CSMD1: variants seen among roughly 807,000 people sequenced by gnomAD.
CSMD1 encodes CUB and sushi domain-containing protein 1.
Under a neutral mutation model 417.5 loss-of-function variants are expected in CSMD1, and 213 were observed. The ratio of observed to expected loss-of-function variants is 0.51; its 90% CI spans 0.46 to 0.57. CSMD1 has a LOEUF of 0.57. Ranked by LOEUF, CSMD1 falls within the 20% of genes least tolerant of loss-of-function variation. CSMD1 has a pLI of 0.00. For synonymous variants in CSMD1, 2,862 were observed against 1,736.8 expected, an observed-to-expected ratio of 1.65 and a Z score of -16.11; for missense variants, 6,923 against 4,529.7, an observed-to-expected ratio of 1.53 and a Z score of -15.17.
At chr8:4,870,409 A>G (rs1003875954) in intron 1 of CSMD1, among the ~76,000 whole-genome samples, 4 of 152,134 alleles carry the variant, frequency 2.6e-5, no homozygotes, top group African/African-American at 7.2e-5. Context: ...CTAGACCTCA[A>G]TTTTCTTAAA....
chr8:3,195,533 T>C (rs1404373150), intron 33 of CSMD1, among the ~76,000 whole-genome samples: 3 of 152,184 alleles, frequency 2.0e-5, no homozygotes, highest in African/African-American at 7.2e-5. Flanking sequence ...GGCTTTTGCA[T>C]TGCGTCTAAG....
rs1373076089 is a variant in CSMD1, at chr8:4,621,969, T to G, written c.302+15373A>C. On this transcript the variant is annotated intron_variant, in intron 2 of 69. Coordinates refer to ENST00000635120, the MANE Select transcript of CSMD1 (RefSeq NM_033225.6). ...TTGATGCCAAAATCATATGAAAAAA[T>G]TACATACTTATTCATAATAAAACCC... Among the ~76,000 whole-genome samples the G allele has an allele frequency of 3.3e-5, 5 of 151,234 alleles. No individual in the cohort carries two copies. In the South Asian group the frequency reaches 1.0e-3, roughly 31 times the overall value.
At chr8:4,463,576 G>C (rs1436855640) in intron 2 of CSMD1, among the ~76,000 whole-genome samples, 1 of 151,820 alleles carries the variant, frequency 6.6e-6, no homozygotes. Context: ...CAGAAATACA[G>C]AAGAAGTGAA....
intron 1 of CSMD1, among the ~76,000 whole-genome samples, chr8:4,775,715 TG>T (rs1202067636): frequency 6.6e-6 from 1 of 152,174 alleles, no homozygotes; most frequent in Non-Finnish European, 1.5e-5. Context: ...ATGGCCCACG[TG>T]GGGATGGGAT....
intron 3 of CSMD1, among the ~76,000 whole-genome samples, chr8:4,081,719 G>A (rs1800144045): frequency 6.6e-6 from 1 of 152,126 alleles, no homozygotes; most frequent in African/African-American, 2.4e-5. Context: ...TATTTTCTCT[G>A]ACCAAATTAG....
intron 5 of CSMD1, among the ~76,000 whole-genome samples, chr8:3,773,448 G>C (rs1398825731): frequency 6.6e-6 from 1 of 151,980 alleles, no homozygotes; most frequent in Non-Finnish European, 1.5e-5. Flanking sequence ...CACTATGCCT[G>C]GCTAATTATT....
chr8:4,670,908 C>A (rs1805256080), intron 1 of CSMD1, among the ~76,000 whole-genome samples: 1 of 152,138 alleles, frequency 6.6e-6, no homozygotes, highest in Non-Finnish European at 1.5e-5. Context: ...ATTTTAGTGA[C>A]AAGGATAGCT....
chr8:4,832,255 G>T (rs1002566163), intron 1 of CSMD1, among the ~76,000 whole-genome samples: 1 of 152,286 alleles, frequency 6.6e-6, no homozygotes, highest in African/African-American at 2.4e-5. Context: ...AGCCAGTAAT[G>T]GAAGTTTGTG....
At chr8:4,079,279 G>C (rs1307566791) in intron 3 of CSMD1, among the ~76,000 whole-genome samples, 1 of 152,154 alleles carries the variant, frequency 6.6e-6, no homozygotes, top group Non-Finnish European at 1.5e-5. Context: ...AGTTTATCAA[G>C]TACTGTACCA....
At chr8:4,069,438 A>C (rs190399176) in intron 3 of CSMD1, among the ~76,000 whole-genome samples, 5 of 152,330 alleles carry the variant, frequency 3.3e-5, no homozygotes, top group African/African-American at 9.6e-5. Context: ...TATTCACCGT[A>C]AAGGAAATAC....
At chr8:4,913,811 C>A (rs1247703094) in intron 1 of CSMD1, among the ~76,000 whole-genome samples, 1 of 152,188 alleles carries the variant, frequency 6.6e-6, no homozygotes, top group Non-Finnish European at 1.5e-5. Flanking sequence ...CCACCAGACT[C>A]TTTGGGGCTT....
At chr8:3,820,651 G>C (rs774924013) in intron 5 of CSMD1, among the ~76,000 whole-genome samples, 6 of 152,172 alleles carry the variant, frequency 3.9e-5, no homozygotes, top group Admixed American at 6.5e-5. Flanking sequence ...TCTCGGCTCA[G>C]TGCAAACTCT....
At chr8:3,715,379 C>G (rs576743434) in intron 6 of CSMD1, among the ~76,000 whole-genome samples, 5 of 152,160 alleles carry the variant, frequency 3.3e-5, no homozygotes, top group South Asian at 2.1e-4. Flanking sequence ...AAACCTGAGC[C>G]TCCAGGTCTG....
chr8:2,981,290 T>G (rs1007615823), intron 54 of CSMD1, among the ~76,000 whole-genome samples: 1 of 152,214 alleles, frequency 6.6e-6, no homozygotes, highest in Non-Finnish European at 1.5e-5. Context: ...ATTTTCTATG[T>G]GAACAATTCC....
intron 18 of CSMD1, among the ~76,000 whole-genome samples, chr8:3,379,261 T>TA (rs984216319): frequency 5.3e-5 from 8 of 152,032 alleles, no homozygotes; most frequent in African/African-American, 9.6e-5. Flanking sequence ...CACAAACAAA[T>TA]AAAAAAACAT....
At chr8:4,167,931 C>G (rs901826501) in intron 3 of CSMD1, among the ~76,000 whole-genome samples, 2 of 151,908 alleles carry the variant, frequency 1.3e-5, no homozygotes, top group African/African-American at 4.8e-5. Flanking sequence ...AGTTCAAGAC[C>G]AGCCTGGCCA....
At chr8:4,177,419 A>G (rs536339088) in intron 3 of CSMD1, among the ~76,000 whole-genome samples, 55 of 152,256 alleles carry the variant, frequency 3.6e-4, no homozygotes, top group African/African-American at 1.2e-3. Flanking sequence ...TCTCTGGGGC[A>G]CATTCAAAGC....
At chr8:3,539,251 T>C (rs1411643039) in intron 10 of CSMD1, among the ~76,000 whole-genome samples, 2 of 152,160 alleles carry the variant, frequency 1.3e-5, no homozygotes, top group Admixed American at 6.5e-5. Flanking sequence ...CTTCAGTCAC[T>C]CTCTCCTGGG....
intron 5 of CSMD1, among the ~76,000 whole-genome samples, chr8:3,877,049 C>G (rs868141750): frequency 2.6e-5 from 4 of 152,080 alleles, no homozygotes; most frequent in Admixed American, 1.3e-4. Flanking sequence ...TGTTTTTTTG[C>G]CTGTCGTAAC....
Sources: gnomAD v4.1 joint callset for allele counts (sites outside exome capture counted in the v4.1 genomes callset) on GRCh38, gnomAD v4.1.1 for gene constraint, MANE v1.5 for transcripts, NCBI Gene and HGNC (gene_info 2026-07-23, HGNC 2026-07-21) for gene names.